The following RYR2 variants were observed in gnomAD, a reference collection of about 807,000 sequenced individuals.
RYR2 encodes cardiac muscle ryanodine receptor-calcium release channel.
In RYR2, 227 loss-of-function variants were observed where a neutral mutation model predicts 601.1. The observed-to-expected ratio is 0.38, with a 90% CI of 0.34 to 0.42. The LOEUF (loss-of-function observed/expected upper bound fraction) is 0.42. Among genes scored for constraint, RYR2 ranks in the 10% least tolerant of loss-of-function variants. The probability of loss-of-function intolerance (pLI) is 1.00; values close to 1 mark genes in which losing one functional copy is unlikely to be tolerated. For synonymous variants in RYR2, 2,223 were observed against 2,175.1 expected, an observed-to-expected ratio of 1.02 and a Z score of -0.61; for missense variants, 4,646 against 6,156.5, an observed-to-expected ratio of 0.75 and a Z score of 8.21.
rs1040622929 is a variant in RYR2, at chr1:237,441,570, T to C, written c.1170+87T>C. The C allele has an allele frequency of 4.8e-6, 6 of 1,262,232 alleles. No individual in the cohort carries two copies. In the African/African-American group the frequency reaches 7.6e-5, roughly 16 times the overall value. 78.2% of individuals were successfully genotyped at this position (1,262,232 alleles called of 1,614,324 possible). ...GTCAAAAATAATTGGCTGATCTTTT[T>C]AGTCACCTGCAAAAGTTCATAATTT... On this transcript the variant is annotated intron_variant, in intron 13 of 104. Coordinates refer to ENST00000366574, the MANE Select transcript of RYR2 (RefSeq NM_001035.3).
intron 1 of RYR2, among the ~76,000 whole-genome samples, chr1:237,213,186 A>T (rs1682781454): frequency 6.6e-6 from 1 of 150,772 alleles, no homozygotes. Context: ...GTTTTTAAAT[A>T]TTTTTTTTTG....
At chr1:237,608,980 C>G (rs1677479917) in intron 35 of RYR2, among the ~76,000 whole-genome samples, 1 of 151,540 alleles carries the variant, frequency 6.6e-6, no homozygotes. Flanking sequence ...TCTTCTTTTC[C>G]TTTCTTCTTT....
Position 237,631,613 on chromosome 1 carries a change from A to ATTTTTTTT in RYR2, c.6555+97_6555+104dup, listed in dbSNP as rs556269614. The ATTTTTTTT allele has an allele frequency of 6.0e-4, 126 of 208,574 alleles. 24 individuals carry two copies. Among genetic ancestry groups the ATTTTTTTT allele is most frequent in the African/African-American group, 5.3e-3 (79 of 14,844 alleles). 12.9% of individuals were successfully genotyped at this position (208,574 alleles called of 1,614,324 possible). A position where few individuals can be genotyped will look rare whatever the true frequency, so the allele number is the denominator to read the frequency against. On this transcript the variant is annotated intron_variant, in intron 42 of 104. Transcript: ENST00000366574. The stretch of plus-strand genomic sequence containing the variant: ...GTATATAGATTGATATAGAATGCAG[A>ATTTTTTTT]TTTTTTTTTTTTTTTTTTTTTTTTT...
chr1:237,679,590 A>C (rs933833456), intron 61 of RYR2, among the ~76,000 whole-genome samples: 2 of 152,208 alleles, frequency 1.3e-5, no homozygotes, highest in Non-Finnish European at 2.9e-5. Flanking sequence ...TCTGGAGGCC[A>C]GGAAAGGGCT....
chr1:237,103,590 C>CTCTTGTCTCAACA (rs1470648431), intron 1 of RYR2, among the ~76,000 whole-genome samples: 1 of 152,110 alleles, frequency 6.6e-6, no homozygotes. Context: ...TTTTTTGAGA[C>CTCTTGTCTCAACA]AGAATTTCAC....
chr1:237,788,270 T>TC, intron 92 of RYR2, 135 bp downstream of exon 92: 2 of 649,008 alleles, frequency 3.1e-6, no homozygotes, highest in Non-Finnish European at 5.3e-6. Flanking sequence ...TTTGATTTGC[T>TC]CATTGTAGTG....
rs965353664 is a variant in RYR2 at position 237,780,116 on chromosome 1, A to T, written c.11880+1346A>T. On this transcript the variant is annotated intron_variant, in intron 88 of 104. Coordinates refer to ENST00000366574, the MANE Select transcript of RYR2 (RefSeq NM_001035.3). ...TCATCCTTGACATGCAGTCTTGAACAGTTAGAAACTATATTTATTAGTGTT... is the reference window on the plus strand; with the variant it reads ...TCATCCTTGACATGCAGTCTTGAACTGTTAGAAACTATATTTATTAGTGTT... Among the ~76,000 whole-genome samples the T allele has an allele frequency of 2.7e-5, 4 of 150,430 alleles. No individual in the cohort carries two copies. The East Asian group carries it at 7.7e-4, about 29-fold the overall frequency.
chr1:237,771,885 A>G (rs1027128390), intron 85 of RYR2, 127 bp from the exon 86 acceptor site: 25 of 619,858 alleles, frequency 4.0e-5, no homozygotes, highest in Non-Finnish European at 7.2e-5. Context: ...TAGTAAAACT[A>G]TTAGATAAAA....
At chr1:237,409,088 G>A (rs1704189661) in intron 10 of RYR2, among the ~76,000 whole-genome samples, 1 of 152,032 alleles carries the variant, frequency 6.6e-6, no homozygotes, top group Admixed American at 6.6e-5. Context: ...TGAGATTGGG[G>A]TAAATAATCA....
chr1:237,459,460 T>A (rs995915265), intron 16 of RYR2, among the ~76,000 whole-genome samples: 4 of 152,224 alleles, frequency 2.6e-5, no homozygotes, highest in African/African-American at 9.6e-5. Context: ...TAGAAAGTGT[T>A]ACGTGCAGAA....
At chr1:237,739,801 A>G (rs962958669) in intron 79 of RYR2, among the ~76,000 whole-genome samples, 1 of 152,212 alleles carries the variant, frequency 6.6e-6, no homozygotes, top group Admixed American at 6.5e-5. Flanking sequence ...CAGAAAGGCA[A>G]CTAAGGAATG....
intron 2 of RYR2, among the ~76,000 whole-genome samples, chr1:237,318,923 T>C (rs1695355800): frequency 6.6e-6 from 1 of 152,148 alleles, no homozygotes; most frequent in Admixed American, 6.5e-5. Flanking sequence ...TTCTCTCCTA[T>C]TCTTCTGAGA....
chr1:237,798,186 G>A lies in RYR2; in HGVS notation c.14090+16G>A. On this transcript the variant is annotated intron_variant, in intron 97 of 104. Coordinates refer to ENST00000366574, the MANE Select transcript of RYR2 (RefSeq NM_001035.3). ...TATCAGCTGTGTAAGTGTTACTTCGGCTCTATCCTACAGACTTAGATTGAA... is the reference window on the plus strand; with the variant it reads ...TATCAGCTGTGTAAGTGTTACTTCGACTCTATCCTACAGACTTAGATTGAA... 1 of 1,608,078 alleles carries A rather than the reference G, an allele frequency of 6.2e-7. No individual in the cohort carries two copies. The highest frequency in any genetic ancestry group is 1.1e-5 in the South Asian group (1 of 89,444).
intron 8 of RYR2, among the ~76,000 whole-genome samples, chr1:237,385,727 A>T (rs1367864860): frequency 6.6e-6 from 1 of 152,204 alleles, no homozygotes; most frequent in South Asian, 2.1e-4. Context: ...TTGAAATACG[A>T]GTATTTATGG....
chr1:237,623,429 C>T (rs563505250), intron 38 of RYR2, among the ~76,000 whole-genome samples: 2 of 62,168 alleles, frequency 3.2e-5, no homozygotes, highest in East Asian at 3.1e-4. Flanking sequence ...CTCACTGTGT[C>T]GCCGCCCAGG....
At chr1:237,128,563 C>T (rs1454523898) in intron 1 of RYR2, among the ~76,000 whole-genome samples, 1 of 152,098 alleles carries the variant, frequency 6.6e-6, no homozygotes, top group Non-Finnish European at 1.5e-5. Context: ...TTGTGTAGGA[C>T]CTCTTTGAGC....
At chr1:237,796,691 T>G (rs773848323) in intron 96 of RYR2, among the ~76,000 whole-genome samples, 13 of 152,070 alleles carry the variant, frequency 8.5e-5, no homozygotes, top group Non-Finnish European at 1.5e-4. Context: ...TTCTGTCTCC[T>G]TTTCTAATCT....
rs1704549266 is a variant in RYR2, at chr1:237,412,454, A to G, written c.774-4595A>G. Among the ~76,000 whole-genome samples the G allele has an allele frequency of 2.6e-5, 4 of 152,170 alleles. No homozygotes were observed. In the South Asian group the frequency reaches 8.3e-4, roughly 31 times the overall value. On this transcript the variant is annotated intron_variant, in intron 10 of 104. Transcript: ENST00000366574. ...GTTGAACAAGCTCATACTGCTGGTT[A>G]TTATATGTGCATATTTTTAACATTC...
chr1:237,823,302 G>A (rs1381309197), intron 101 of RYR2, among the ~76,000 whole-genome samples: 2 of 152,262 alleles, frequency 1.3e-5, no homozygotes, highest in South Asian at 4.1e-4. Flanking sequence ...CTCAGCAACT[G>A]CAAAAGAATG....
Sources: allele counts gnomAD v4.1 joint callset (sites outside exome capture counted in the v4.1 genomes callset), GRCh38; gene constraint gnomAD v4.1.1; transcripts MANE v1.5; gene names NCBI Gene and HGNC (gene_info 2026-07-23, HGNC 2026-07-21).